DPP10: variants seen among roughly 807,000 people sequenced by gnomAD.
The protein encoded by DPP10 is dipeptidyl peptidase like 10.
A neutral mutation model predicts 120.9 loss-of-function variants in DPP10; 33 were observed. The observed-to-expected ratio is 0.27, with a 90% CI of 0.21 to 0.37. The LOEUF is 0.37. Among genes scored for constraint, DPP10 ranks in the 10% least tolerant of loss-of-function variants. DPP10 has a pLI of 1.00. For missense variants in DPP10, 816 were observed against 942.8 expected, an observed-to-expected ratio of 0.87 and a Z score of 1.76; for synonymous variants, 337 against 326.1, an observed-to-expected ratio of 1.03 and a Z score of -0.36.
chr2:115,588,944 T>C (rs1257440519), intron 5 of DPP10, among the ~76,000 whole-genome samples: 2 of 152,024 alleles, frequency 1.3e-5, no homozygotes, highest in Non-Finnish European at 2.9e-5. Flanking sequence ...ACTGGAAAAA[T>C]GTATGGATCT....
At chr2:114,780,119 A>G (rs577649278) in intron 1 of DPP10, among the ~76,000 whole-genome samples, 15 of 152,082 alleles carry the variant, frequency 9.9e-5, no homozygotes, top group East Asian at 5.8e-4. Context: ...CTGGGTGACA[A>G]AGCGAGACTG....
chr2:115,477,423 T>A (rs1035076300), intron 3 of DPP10, among the ~76,000 whole-genome samples: 4 of 152,146 alleles, frequency 2.6e-5, no homozygotes, highest in Middle Eastern at 3.4e-3. Context: ...ACCAAAAGGA[T>A]TAAAATATTT....
chr2:114,833,085 A>G (rs1168605042), intron 1 of DPP10, among the ~76,000 whole-genome samples: 1 of 152,164 alleles, frequency 6.6e-6, no homozygotes, highest in Non-Finnish European at 1.5e-5. Context: ...CTTGTGGATT[A>G]AAATCTTGGC....
chr2:115,489,896 A>G (rs533952842), intron 3 of DPP10, among the ~76,000 whole-genome samples: 117 of 152,186 alleles, frequency 7.7e-4, no homozygotes, highest in African/African-American at 2.6e-3. Context: ...TTTACCATCT[A>G]TTCTCTCTGA....
chr2:115,145,039 G>C (rs951315959), intron 1 of DPP10: 2 of 151,822 alleles, frequency 1.3e-5, no homozygotes, highest in Non-Finnish European at 2.9e-5. Flanking sequence ...TGAGGAAACA[G>C]GAAGAAAAAT....
intron 1 of DPP10, among the ~76,000 whole-genome samples, chr2:115,231,851 C>T (rs2057750049): frequency 6.6e-6 from 1 of 152,158 alleles, no homozygotes; most frequent in African/African-American, 2.4e-5. Context: ...CAGGCCAGTA[C>T]TTCTCACACC....
chr2:114,946,430 C>A (rs542152016), intron 1 of DPP10, among the ~76,000 whole-genome samples: 3 of 152,158 alleles, frequency 2.0e-5, no homozygotes, highest in Non-Finnish European at 4.4e-5. Context: ...ATATGTAACA[C>A]TACTAATTTA....
intron 7 of DPP10, among the ~76,000 whole-genome samples, chr2:115,701,075 G>A (rs2091866221): frequency 6.6e-6 from 1 of 152,026 alleles, no homozygotes; most frequent in Admixed American, 6.6e-5. Flanking sequence ...CTTTTTTGCA[G>A]ATATAGAAAA....
intron 2 of DPP10, among the ~76,000 whole-genome samples, chr2:115,321,458 T>C (rs935666227): frequency 6.6e-6 from 1 of 151,960 alleles, no homozygotes; most frequent in African/African-American, 2.4e-5. Flanking sequence ...GATCCTATCT[T>C]TGTTCTTATC....
At chr2:115,731,477 G>T (rs2092909368) in intron 8 of DPP10, among the ~76,000 whole-genome samples, 1 of 152,052 alleles carries the variant, frequency 6.6e-6, no homozygotes, top group South Asian at 2.1e-4. Context: ...AGTGAGCCAA[G>T]ATCATGCCAC....
At chr2:114,681,146 T>C (rs1310306642) in intron 1 of DPP10, among the ~76,000 whole-genome samples, 1 of 151,980 alleles carries the variant, frequency 6.6e-6, no homozygotes, top group Non-Finnish European at 1.5e-5. Flanking sequence ...GAAGTCTTTT[T>C]CAATGTTCAA....
chr2:115,555,568 A>T (rs2080157979), intron 5 of DPP10, among the ~76,000 whole-genome samples: 1 of 152,080 alleles, frequency 6.6e-6, no homozygotes, highest in Admixed American at 6.6e-5. Context: ...GGGAGAAGGG[A>T]ACATTTCCAC....
chr2:115,281,234 T>G (rs1395608399), intron 1 of DPP10, among the ~76,000 whole-genome samples: 1 of 152,158 alleles, frequency 6.6e-6, no homozygotes, highest in Non-Finnish European at 1.5e-5. Flanking sequence ...ATTTCAGAAC[T>G]TGGTAAAACT....
intron 4 of DPP10, among the ~76,000 whole-genome samples, chr2:115,514,825 C>T (rs1274339685): frequency 1.3e-5 from 2 of 151,782 alleles, no homozygotes; most frequent in Non-Finnish European, 3.0e-5. Flanking sequence ...ATTCCCCCTT[C>T]ATAACTCAGT....
chr2:114,927,160 C>T (rs892523278), intron 1 of DPP10, among the ~76,000 whole-genome samples: 1 of 151,968 alleles, frequency 6.6e-6, no homozygotes, highest in Non-Finnish European at 1.5e-5. Context: ...GGGGAAGATA[C>T]ATTTTTAAGC....
intron 5 of DPP10, among the ~76,000 whole-genome samples, chr2:115,527,725 C>A (rs971335750): frequency 3.3e-5 from 5 of 152,110 alleles, no homozygotes; most frequent in African/African-American, 1.2e-4. Context: ...AGACATTTCA[C>A]TGAAGATTTA....
chr2:115,051,800 A>C (rs1176662077), intron 1 of DPP10, among the ~76,000 whole-genome samples: 1 of 148,828 alleles, frequency 6.7e-6, no homozygotes, highest in Non-Finnish European at 1.5e-5. Flanking sequence ...TGTACACCTG[A>C]AAATTGGTAA....
chr2:115,063,610 T>C (rs1204093630), intron 1 of DPP10, among the ~76,000 whole-genome samples: 1 of 152,048 alleles, frequency 6.6e-6, no homozygotes. Context: ...AGAAATAAGA[T>C]TGCATGTCTA....
At chr2:115,432,854 C>T (rs1351989976) in intron 3 of DPP10, among the ~76,000 whole-genome samples, 2 of 151,856 alleles carry the variant, frequency 1.3e-5, no homozygotes, top group East Asian at 1.9e-4. Context: ...ACAGGAAAGC[C>T]GTCCCTTAAC....
Sources: gnomAD v4.1 joint callset for allele counts (sites outside exome capture counted in the v4.1 genomes callset) on GRCh38, gnomAD v4.1.1 for gene constraint, MANE v1.5 for transcripts, NCBI Gene and HGNC (gene_info 2026-07-23, HGNC 2026-07-21) for gene names.